Variants in GABBR2 observed in about 807,000 individuals in gnomAD.
GABBR2 encodes gamma-aminobutyric acid type B receptor subunit 2.
In GABBR2, 23 loss-of-function variants were observed where a neutral mutation model predicts 105.6. That is an observed-to-expected ratio of 0.22 (90% CI 0.16 to 0.31). The LOEUF (loss-of-function observed/expected upper bound fraction) is 0.31. Ranked by LOEUF, GABBR2 falls within the 10% of genes least tolerant of loss-of-function variation. The pLI is 1.00. For missense variants in GABBR2, 734 were observed against 1,245.5 expected (o/e 0.59, Z 6.18); for synonymous variants, 478 against 499.7 (o/e 0.96, Z 0.58).
chr9:98,601,014 C>T (rs1248562168), intron 1 of GABBR2, among the ~76,000 whole-genome samples: 1 of 152,230 alleles, frequency 6.6e-6, no homozygotes, highest in Non-Finnish European at 1.5e-5. Context: ...GCTCAGCTCA[C>T]ATGTCACTTT....
intron 13 of GABBR2, among the ~76,000 whole-genome samples, chr9:98,323,599 G>C (rs922450020): frequency 2.0e-5 from 3 of 152,202 alleles, no homozygotes; most frequent in African/African-American, 7.2e-5. Context: ...AGAGCTCCCA[G>C]AGGGCCCTGC....
At chr9:98,376,870 T>C (rs1276255501) in intron 11 of GABBR2, among the ~76,000 whole-genome samples, 3 of 152,042 alleles carry the variant, frequency 2.0e-5, no homozygotes, top group African/African-American at 7.2e-5. Flanking sequence ...CTTAGAAGCC[T>C]TGGGGCAAAT....
chr9:98,584,919 T>G (rs1005153849), intron 1 of GABBR2, among the ~76,000 whole-genome samples: 5 of 152,216 alleles, frequency 3.3e-5, no homozygotes, highest in Non-Finnish European at 7.4e-5. Context: ...TAATTTGTCC[T>G]CGGCCAGCTC....
intron 1 of GABBR2, among the ~76,000 whole-genome samples, chr9:98,652,297 T>G (rs933329475): frequency 3.9e-5 from 6 of 152,210 alleles, no homozygotes; most frequent in Non-Finnish European, 8.8e-5. Flanking sequence ...AGCCCCATTC[T>G]GCACTCTCAG....
At chr9:98,580,598 G>A (rs1177435071) in intron 1 of GABBR2, among the ~76,000 whole-genome samples, 1 of 152,114 alleles carries the variant, frequency 6.6e-6, no homozygotes, top group Non-Finnish European at 1.5e-5. Flanking sequence ...GAACAGCCTG[G>A]ACAACATGGC....
At chr9:98,565,104 C>T (rs1259610953) in intron 2 of GABBR2, among the ~76,000 whole-genome samples, 2 of 152,194 alleles carry the variant, frequency 1.3e-5, no homozygotes, top group African/African-American at 4.8e-5. Context: ...GAAAGGCTGG[C>T]ACCACAGCTC....
At position 98,473,194 on chromosome 9, in the gene GABBR2, C is replaced by T; in HGVS notation, c.951G>A (p.Val317=). ...LLAAMEGYIG[V]DFEPLSSKQI... is the part of the protein sequence containing the mutation. Reference sequence around the variant, plus strand: ...GCTTGGAGCTCAGGGGCTCGAAATCCACGCCAATGTAGCCCTCCATGGCAG... The same window carrying T: ...GCTTGGAGCTCAGGGGCTCGAAATCTACGCCAATGTAGCCCTCCATGGCAG... The change falls in exon 6 of 19, where the codon GTG becomes GTA. Residue 317 remains valine (V), a synonymous_variant. Coordinates refer to ENST00000259455, the MANE Select transcript of GABBR2 (RefSeq NM_005458.8). 6.2e-7 allele frequency: 1 copy of T among 1,613,950 alleles called. No individual in the cohort carries two copies. The highest frequency in any genetic ancestry group is 8.5e-7 in the Non-Finnish European group (1 of 1,179,980).
chr9:98,434,228 C>G (rs1055612617), intron 7 of GABBR2, among the ~76,000 whole-genome samples: 3 of 152,226 alleles, frequency 2.0e-5, no homozygotes, highest in African/African-American at 4.8e-5. Flanking sequence ...GGGACTTGGA[C>G]TGGCTTCCTT....
At chr9:98,599,800 G>C (rs557945011) in intron 1 of GABBR2, among the ~76,000 whole-genome samples, 1 of 152,178 alleles carries the variant, frequency 6.6e-6, no homozygotes. Flanking sequence ...GAGAAGAGGG[G>C]GACAGCACAG....
intron 1 of GABBR2, among the ~76,000 whole-genome samples, chr9:98,701,185 C>T (rs1830826024): frequency 6.6e-6 from 1 of 152,190 alleles, no homozygotes; most frequent in Non-Finnish European, 1.5e-5. Context: ...AAGTCAAATA[C>T]ACAAAGAAGG....
At chr9:98,590,453 C>A (rs1290755217) in intron 1 of GABBR2, among the ~76,000 whole-genome samples, 1 of 152,254 alleles carries the variant, frequency 6.6e-6, no homozygotes, top group African/African-American at 2.4e-5. Flanking sequence ...ACCCAATTTA[C>A]AAAATGTTTC....
At chr9:98,460,915 T>A (rs1260325551) in intron 6 of GABBR2, among the ~76,000 whole-genome samples, 2 of 152,142 alleles carry the variant, frequency 1.3e-5, no homozygotes. Flanking sequence ...GAAAAAAAGA[T>A]GCATTACTTC....
rs1020395459 is a variant in GABBR2 at position 98,612,321 on chromosome 9, T to G, written c.322-34249A>C. 2.0e-5 allele frequency among the ~76,000 whole-genome samples: 3 copies of G among 152,162 alleles called. No individual in the cohort carries two copies. The East Asian group carries it at 5.8e-4, about 29-fold the overall frequency. On this transcript the variant is annotated intron_variant, in intron 1 of 18. Coordinates refer to ENST00000259455, the MANE Select transcript of GABBR2 (RefSeq NM_005458.8). ...GCACCAGCTGGAGAATAACGGCATT[T>G]TTTTCAAAGCCAGGGCTATGCTTGG...
intron 1 of GABBR2, among the ~76,000 whole-genome samples, chr9:98,669,985 G>A (rs773816816): frequency 6.6e-6 from 1 of 152,024 alleles, no homozygotes; most frequent in Non-Finnish European, 1.5e-5. Flanking sequence ...GGGGGTGGGA[G>A]GATGCAGCCA....
chr9:98,471,096 C>T (rs1013630001), intron 6 of GABBR2, among the ~76,000 whole-genome samples: 1 of 152,164 alleles, frequency 6.6e-6, no homozygotes, highest in African/African-American at 2.4e-5. Context: ...AAGCTGGACT[C>T]CATAATGTCT....
intron 3 of GABBR2, among the ~76,000 whole-genome samples, chr9:98,505,618 G>C (rs1827494609): frequency 6.6e-6 from 1 of 152,162 alleles, no homozygotes; most frequent in Non-Finnish European, 1.5e-5. Flanking sequence ...AAGGATCTTG[G>C]GATGAGATCA....
chr9:98,697,954 C>G (rs1208570617), intron 1 of GABBR2, among the ~76,000 whole-genome samples: 1 of 152,230 alleles, frequency 6.6e-6, no homozygotes. Context: ...TTCAGAAAGG[C>G]TTCAGTGAAT....
chr9:98,621,807 A>G (rs1049957488), intron 1 of GABBR2, among the ~76,000 whole-genome samples: 16 of 152,236 alleles, frequency 1.1e-4, no homozygotes, highest in African/African-American at 3.4e-4. Context: ...CCCTGTAATA[A>G]TGTGCCTACA....
intron 8 of GABBR2, among the ~76,000 whole-genome samples, 169 bp downstream of exon 8, chr9:98,405,912 T>C (rs1832481668): frequency 6.6e-6 from 1 of 152,218 alleles, no homozygotes; most frequent in Admixed American, 6.5e-5. Context: ...GAAAAAAATA[T>C]TCCAAATAGG....
Sources: gnomAD v4.1 joint callset for allele counts (sites outside exome capture counted in the v4.1 genomes callset) on GRCh38, gnomAD v4.1.1 for gene constraint, MANE v1.5 for transcripts, NCBI Gene and HGNC (gene_info 2026-07-23, HGNC 2026-07-21) for gene names.